Variants in MYO3B observed in about 807,000 individuals in gnomAD.
MYO3B encodes the protein myosin-IIIb.
In MYO3B, 156 loss-of-function variants were observed where a neutral mutation model predicts 174.6. The ratio of observed to expected loss-of-function variants is 0.89; its 90% CI spans 0.78 to 1.02. The LOEUF (loss-of-function observed/expected upper bound fraction) is 1.02. MYO3B is among the 50% of genes least tolerant of loss of function. The pLI is 0.00. For synonymous variants in MYO3B, 563 were observed against 569.1 expected (o/e 0.99, Z 0.15); for missense variants, 1,632 against 1,639.4 (o/e 1.00, Z 0.08).
At chr2:170,298,901 A>G (rs2093646432) in intron 7 of MYO3B, among the ~76,000 whole-genome samples, 1 of 152,154 alleles carries the variant, frequency 6.6e-6, no homozygotes, top group South Asian at 2.1e-4. Context: ...GTTTAGATAC[A>G]TAAATACTAT....
At chr2:170,611,466 G>A (rs1257309337) in intron 32 of MYO3B, among the ~76,000 whole-genome samples, 1 of 152,116 alleles carries the variant, frequency 6.6e-6, no homozygotes, top group African/African-American at 2.4e-5. Context: ...TGTAAAATGG[G>A]TATGAAAAAA....
intron 8 of MYO3B, among the ~76,000 whole-genome samples, chr2:170,366,787 C>T (rs1292307800): frequency 6.6e-6 from 1 of 152,124 alleles, no homozygotes; most frequent in Non-Finnish European, 1.5e-5. Context: ...ATCTTGCGAC[C>T]GTGTTGGAAG....
chr2:170,493,140 C>T (rs1686598850), intron 25 of MYO3B, among the ~76,000 whole-genome samples: 1 of 152,162 alleles, frequency 6.6e-6, no homozygotes, highest in Non-Finnish European at 1.5e-5. Context: ...GTTGGGACCT[C>T]TCTATAAAGA....
intron 32 of MYO3B, among the ~76,000 whole-genome samples, chr2:170,596,736 A>T (rs936248110): frequency 3.3e-5 from 5 of 152,232 alleles, no homozygotes; most frequent in African/African-American, 1.2e-4. Context: ...TTAAGGGGAT[A>T]AGAAATGGTG....
intron 7 of MYO3B, among the ~76,000 whole-genome samples, chr2:170,328,124 A>C (rs941662345): frequency 2.7e-5 from 4 of 150,626 alleles, no homozygotes; most frequent in African/African-American, 9.8e-5. Context: ...CTGATCTTGA[A>C]CTCTTGAGCT....
At chr2:170,261,205 G>A (rs1274886243) in intron 7 of MYO3B, among the ~76,000 whole-genome samples, 1 of 151,964 alleles carries the variant, frequency 6.6e-6, no homozygotes, top group Non-Finnish European at 1.5e-5. Flanking sequence ...GTATTTTTTA[G>A]TAGAGACGGG....
At chr2:170,522,691 G>A (rs917282421) in intron 30 of MYO3B, among the ~76,000 whole-genome samples, 1 of 152,148 alleles carries the variant, frequency 6.6e-6, no homozygotes, top group Non-Finnish European at 1.5e-5. Context: ...TACACCTTAT[G>A]GCTAACCAGA....
chr2:170,374,753 A>C (rs1208705433), intron 9 of MYO3B, among the ~76,000 whole-genome samples: 1 of 111,778 alleles, frequency 8.9e-6, no homozygotes, highest in Non-Finnish European at 1.8e-5. Flanking sequence ...ATATATATGC[A>C]TACATACACA....
At chr2:170,434,852 G>T (rs760463315) in intron 22 of MYO3B, among the ~76,000 whole-genome samples, 1 of 152,204 alleles carries the variant, frequency 6.6e-6, no homozygotes. Flanking sequence ...TAGAAATGGG[G>T]TCTCACTATG....
At chr2:170,606,951 C>T (rs1312017120) in intron 32 of MYO3B, among the ~76,000 whole-genome samples, 6 of 151,976 alleles carry the variant, frequency 3.9e-5, no homozygotes, top group African/African-American at 7.3e-5. Context: ...ACCCAGGAGG[C>T]GGAGGTTGCT....
intron 7 of MYO3B, among the ~76,000 whole-genome samples, chr2:170,245,811 G>A (rs2105319594): frequency 6.6e-6 from 1 of 152,338 alleles, no homozygotes; most frequent in South Asian, 2.1e-4. Context: ...CTCAGTCCTT[G>A]ATATAGATAA....
intron 30 of MYO3B, among the ~76,000 whole-genome samples, chr2:170,532,002 A>G (rs1689384556): frequency 6.6e-6 from 1 of 152,240 alleles, no homozygotes. Flanking sequence ...AAGTCCCCAT[A>G]AGAAACTTAT....
At chr2:170,607,732 A>G (rs1168088749) in intron 32 of MYO3B, among the ~76,000 whole-genome samples, 1 of 152,254 alleles carries the variant, frequency 6.6e-6, no homozygotes, top group Non-Finnish European at 1.5e-5. Flanking sequence ...AAATAGGACT[A>G]GGCTTATGCC....
chr2:170,650,672 CTTTTTTTTTTT>C (rs766676996), intron 32 of MYO3B, among the ~76,000 whole-genome samples: 10 of 76,976 alleles, frequency 1.3e-4, no homozygotes, highest in South Asian at 1.0e-3. Context: ...TGAATTATGA[CTTTTTTTTTTT>C]TTTTTTTTTT....
intron 25 of MYO3B, among the ~76,000 whole-genome samples, chr2:170,483,391 T>TTTC: frequency 9.5e-6 from 1 of 105,352 alleles, no homozygotes; most frequent in East Asian, 2.5e-4. Context: ...TTTTTTTTTT[T>TTTC]TTTTTTTTTT....
chr2:170,369,641 A>T (rs998452739), intron 9 of MYO3B, among the ~76,000 whole-genome samples: 1 of 151,790 alleles, frequency 6.6e-6, no homozygotes, highest in African/African-American at 2.4e-5. Flanking sequence ...AGCTTTAGTT[A>T]AAAAATCAAC....
intron 32 of MYO3B, among the ~76,000 whole-genome samples, chr2:170,580,061 G>A (rs145316347): frequency 1.3e-5 from 2 of 152,220 alleles, no homozygotes; most frequent in African/African-American, 4.8e-5. Context: ...GAAAAAAATG[G>A]CATTATCTTT....
chr2:170,327,417 A>G (rs1409079613), intron 7 of MYO3B, among the ~76,000 whole-genome samples: 2 of 137,128 alleles, frequency 1.5e-5, no homozygotes, highest in South Asian at 2.4e-4. Context: ...CAAGCTTGAA[A>G]TTTAACTACA....
intron 25 of MYO3B, among the ~76,000 whole-genome samples, chr2:170,487,612 T>C (rs1227057430): frequency 6.6e-6 from 1 of 152,204 alleles, no homozygotes; most frequent in East Asian, 1.9e-4. Flanking sequence ...TAAAAAAATG[T>C]TTCAGTCTGT....
Sources: gnomAD v4.1 joint callset for allele counts (sites outside exome capture counted in the v4.1 genomes callset) on GRCh38, gnomAD v4.1.1 for gene constraint, MANE v1.5 for transcripts, NCBI Gene and HGNC (gene_info 2026-07-23, HGNC 2026-07-21) for gene names.